The following CHRNA7 variants were observed in gnomAD, a reference collection of about 807,000 sequenced individuals.
CHRNA7 encodes the protein neuronal acetylcholine receptor subunit alpha-7.
A neutral mutation model predicts 48.0 loss-of-function variants in CHRNA7; 17 were observed. The ratio of observed to expected loss-of-function variants is 0.35; its 90% confidence interval spans 0.24 to 0.53. CHRNA7 has a LOEUF of 0.53. Ranked by LOEUF, CHRNA7 falls within the 20% of genes least tolerant of loss-of-function variation. The pLI, the probability that CHRNA7 is intolerant of heterozygous loss-of-function variation, is 0.92. For missense variants in CHRNA7, 155 were observed against 577.7 expected, an observed-to-expected ratio of 0.27 and a Z score of 7.50; for synonymous variants, 75 against 242.3, an observed-to-expected ratio of 0.31 and a Z score of 6.41.
intron 4 of CHRNA7, among the ~76,000 whole-genome samples, chr15:32,114,037 T>C (rs1342569525): frequency 1.4e-5 from 1 of 69,708 alleles, no homozygotes; most frequent in South Asian, 6.7e-4. Flanking sequence ...TATATATATA[T>C]ATATATGTAT....
rs573602764 is a variant in CHRNA7 at position 32,141,896 on chromosome 15, T to A, written c.351-12011T>A. On this transcript the variant is annotated intron_variant, in intron 4 of 9. Transcript: ENST00000306901. Reference sequence around the variant, plus strand: ...GACAATTTGACTTCCTCTTTTCCTATTTGAATACCCTTTATTTCTTTCTCT... The same window carrying A: ...GACAATTTGACTTCCTCTTTTCCTAATTGAATACCCTTTATTTCTTTCTCT... 3.2e-4 allele frequency among the ~76,000 whole-genome samples: 48 copies of A among 151,110 alleles called. 1 individual carries two copies. In the South Asian group the frequency reaches 4.2e-3, roughly 13 times the overall value.
chr15:32,036,349 G>A (rs1045519440), intron 2 of CHRNA7, among the ~76,000 whole-genome samples: 1 of 152,164 alleles, frequency 6.6e-6, no homozygotes, highest in African/African-American at 2.4e-5. Context: ...AGAACATCTT[G>A]GTTGCCTCCA....
At chr15:32,110,041 A>C (rs2050737648) in intron 3 of CHRNA7, among the ~76,000 whole-genome samples, 1 of 152,180 alleles carries the variant, frequency 6.6e-6, no homozygotes, top group East Asian at 1.9e-4. Context: ...CCCACTTTCC[A>C]GGGCAGTTCG....
In CHRNA7 at chr15:32,083,570, G is replaced by A. The variant is rs144767378; in HGVS notation, c.196-17733G>A. ...ATTTATTTTGGGCTACATGTGAAGG[G>A]ATGAGATAAGGAGGGTGGATGGTGT... On this transcript the variant is annotated intron_variant, in intron 2 of 9. Coordinates refer to ENST00000306901, the MANE Select transcript of CHRNA7 (RefSeq NM_000746.6). Among the ~76,000 whole-genome samples the A allele has an allele frequency of 5.3e-5, 8 of 152,314 alleles. No homozygotes were observed. In the East Asian group the frequency reaches 1.2e-3, roughly 22 times the overall value.
At chr15:32,100,967 T>G (rs915333060) in intron 2 of CHRNA7, 4 of 233,480 alleles carry the variant, frequency 1.7e-5, no homozygotes, top group African/African-American at 9.1e-5. Flanking sequence ...TTTATGTTTT[T>G]TTTTAAGCAT....
At chr15:32,113,862 A>AATG (rs1340669449) in intron 4 of CHRNA7, among the ~76,000 whole-genome samples, 12 of 49,654 alleles carry the variant, frequency 2.4e-4, no homozygotes, top group African/African-American at 5.8e-4. Flanking sequence ...TAACAACAAT[A>AATG]ACGACAACAA....
intron 2 of CHRNA7, among the ~76,000 whole-genome samples, chr15:32,046,812 T>G (rs2141179833): frequency 6.6e-6 from 1 of 152,098 alleles, no homozygotes; most frequent in East Asian, 2.0e-4. Context: ...GGTCTAACGT[T>G]TAAGTCTTTA....
At chr15:32,120,979 C>T (rs971840911) in intron 4 of CHRNA7, among the ~76,000 whole-genome samples, 8 of 151,956 alleles carry the variant, frequency 5.3e-5, no homozygotes, top group East Asian at 2.0e-4. Context: ...CGCCCCTTCC[C>T]GAGCCTGCTG....
intron 2 of CHRNA7, among the ~76,000 whole-genome samples, chr15:32,048,797 G>A (rs1461903710): frequency 6.6e-6 from 1 of 151,774 alleles, no homozygotes; most frequent in Non-Finnish European, 1.5e-5. Context: ...GCTTTCTCTT[G>A]TGGGCATTTA....
chr15:32,064,903 A>G (rs2049940631), intron 2 of CHRNA7, among the ~76,000 whole-genome samples: 1 of 152,148 alleles, frequency 6.6e-6, no homozygotes, highest in African/African-American at 2.4e-5. Context: ...CCACTTGTGC[A>G]TTGTGGTTCT....
At chr15:32,074,071 T>C (rs1034512564) in intron 2 of CHRNA7, among the ~76,000 whole-genome samples, 3 of 151,778 alleles carry the variant, frequency 2.0e-5, no homozygotes, top group Admixed American at 1.3e-4. Flanking sequence ...TTCTTATTGT[T>C]AAAAATTGTA....
At chr15:32,165,260 AAAATT>A (rs1247901454) in intron 9 of CHRNA7, among the ~76,000 whole-genome samples, 645 of 83,658 alleles carry the variant, frequency 7.7e-3, no homozygotes, top group South Asian at 0.015. Context: ...AAGTCAAAAT[AAAATT>A]AAAATTATAC....
intron 4 of CHRNA7, among the ~76,000 whole-genome samples, chr15:32,131,599 GC>G (rs1595481749): frequency 6.6e-6 from 1 of 151,978 alleles, no homozygotes. Flanking sequence ...GTTCTTAATT[GC>G]CTACCAAAGC....
At chr15:32,114,979 A>G (rs2141286898) in intron 4 of CHRNA7, among the ~76,000 whole-genome samples, 1 of 152,200 alleles carries the variant, frequency 6.6e-6, no homozygotes, top group African/African-American at 2.4e-5. Context: ...CTGTGCACCC[A>G]CCCCTTCTGG....
chr15:32,049,786 G>A (rs1326498881), intron 2 of CHRNA7, among the ~76,000 whole-genome samples: 1 of 152,152 alleles, frequency 6.6e-6, no homozygotes, highest in South Asian at 2.1e-4. Flanking sequence ...AGCTAGTACC[G>A]GTTGTGCCTT....
At chr15:32,045,092 T>C (rs1334772308) in intron 2 of CHRNA7, among the ~76,000 whole-genome samples, 1 of 152,230 alleles carries the variant, frequency 6.6e-6, no homozygotes, top group Non-Finnish European at 1.5e-5. Context: ...TTCCTTTTGG[T>C]TCTTACGATG....
chr15:32,152,643 A>T (rs1452339565), intron 4 of CHRNA7, among the ~76,000 whole-genome samples: 2 of 151,656 alleles, frequency 1.3e-5, no homozygotes, highest in African/African-American at 4.8e-5. Context: ...GGGCATAGGG[A>T]CTCTTCCTGG....
At chr15:32,146,401 G>A (rs2051489855) in intron 4 of CHRNA7, among the ~76,000 whole-genome samples, 2 of 152,154 alleles carry the variant, frequency 1.3e-5, no homozygotes, top group South Asian at 2.1e-4. Context: ...AAATATCTTA[G>A]TGACTATATG....
intron 4 of CHRNA7, among the ~76,000 whole-genome samples, chr15:32,113,219 A>G (rs1500946): frequency 0.16 from 23,625 of 152,068 alleles, 2,307 homozygotes; most frequent in Middle Eastern, 0.25. Context: ...TGGCTGGTAG[A>G]TGGCTGCCAT....
Sources: allele counts gnomAD v4.1 joint callset (sites outside exome capture counted in the v4.1 genomes callset), GRCh38; gene constraint gnomAD v4.1.1; transcripts MANE v1.5; gene names NCBI Gene and HGNC (gene_info 2026-07-23, HGNC 2026-07-21).